MUC3A: variants seen among roughly 807,000 people sequenced by gnomAD.
MUC3A encodes the protein mucin-3A.
MUC3A carries 109 observed loss-of-function variants against 109.0 expected under a neutral mutation model. That is an observed-to-expected ratio of 1.00 (90% CI 0.86 to 1.17). The LOEUF (loss-of-function observed/expected upper bound fraction) is 1.17. Among genes scored for constraint, MUC3A ranks in the 50% most tolerant of loss-of-function variants. The pLI is 0.00. For synonymous variants in MUC3A, 1,398 were observed against 981.4 expected, an observed-to-expected ratio of 1.42 and a Z score of -7.93; for missense variants, 3,537 against 2,469.4, an observed-to-expected ratio of 1.43 and a Z score of -9.16.
Position 100,958,032 on chromosome 7 carries a change from A to ACC in MUC3A, c.6257_6258dup (p.Ser2087ProfsTer79), listed in dbSNP as rs1792147742. On this transcript the variant is annotated frameshift_variant, in exon 2 of 12. Coordinates refer to ENST00000379458, the MANE Select transcript of MUC3A (RefSeq NM_005960.2). LOFTEE classifies it high-confidence loss of function. Reference sequence around the variant, plus strand: ...CACTACCTCAATCACCACCACCGAGACCCCCTCACACAGTACTCTCAGCTT... The same window carrying ACC: ...CACTACCTCAATCACCACCACCGAGACCCCCCCTCACACAGTACTCTCAGCTT... 1 of 966,974 alleles carries ACC rather than the reference A, an allele frequency of 1.0e-6. No homozygotes were observed. Among genetic ancestry groups the ACC allele is most frequent in the Non-Finnish European group, 1.4e-6 (1 of 697,696 alleles). 59.9% of individuals were successfully genotyped at this position (966,974 alleles called of 1,614,324 possible). A position where few individuals can be genotyped will look rare whatever the true frequency, so the allele number is the denominator to read the frequency against.
Position 100,959,896 on chromosome 7 carries a change from C to T in MUC3A, c.8117C>T (p.Thr2706Ile), listed in dbSNP as rs765613676. The change falls in exon 2 of 12, where the codon ACC becomes ATC. Residue 2706 changes from threonine to isoleucine, a missense_variant. Thr to Ile is a moderately conservative substitution (Grantham distance 89, BLOSUM62 -1). Transcript: ENST00000379458. Reference sequence around the variant, plus strand: ...AGCATAACTCCAGTGTTTTCCACTACCATTCATTCTGTTCCTTCTTCACCA... The same window carrying T: ...AGCATAACTCCAGTGTTTTCCACTATCATTCATTCTGTTCCTTCTTCACCA... ...SASITPVFST[T>I]IHSVPSSPYI... 31 of 1,534,898 alleles carry T rather than the reference C, an allele frequency of 2.0e-5. No homozygotes were observed. The highest frequency in any genetic ancestry group is 2.6e-5 in the Non-Finnish European group (30 of 1,150,634).
chr7:100,958,671 A>ACTCGATCGTCACCACCG lies in MUC3A; in HGVS notation c.6892_6893insCTCGATCGTCACCACCG (p.Lys2298ThrfsTer179). The ACTCGATCGTCACCACCG allele has an allele frequency of 4.2e-6, 2 of 472,462 alleles. No individual in the cohort carries two copies. The highest frequency in any genetic ancestry group is 2.9e-5 in the South Asian group (1 of 34,792). The allele number at this position is 472,462 out of a possible 1,614,324, so 29.3% of individuals were successfully genotyped here. ...CTCCACTTCTTTAATCACCACCACC[A>ACTCGATCGTCACCACCG]AGACCACCTCACACAGTACTCCCAG... On this transcript the variant is annotated frameshift_variant, in exon 2 of 12. Coordinates refer to ENST00000379458, the MANE Select transcript of MUC3A (RefSeq NM_005960.2). LOFTEE classifies it high-confidence loss of function.
In MUC3A at chr7:100,949,771, T is replaced by C. The variant is rs192147253; in HGVS notation, c.61+86T>C. On this transcript the variant is annotated intron_variant, in intron 1 of 11. Coordinates refer to ENST00000379458, the MANE Select transcript of MUC3A (RefSeq NM_005960.2). ...GGGAGGGAAAAGTGGCTGTAAGGCC[T>C]GGGGAGGGGGGATAAGAAGGCACCG... 1,238 of 1,309,278 alleles carry C rather than the reference T, an allele frequency of 9.5e-4. 12 individuals are homozygous for C. The African/African-American group carries it at 0.017, about 18-fold the overall frequency. The allele number at this position is 1,309,278 out of a possible 1,614,324, so 81.1% of individuals were successfully genotyped here.
At position 100,954,657 on chromosome 7, in the gene MUC3A, G is replaced by T; in HGVS notation, c.2878G>T (p.Glu960Ter). 2.5e-6 allele frequency: 1 copy of T among 399,746 alleles called. No homozygotes were observed. The allele number at this position is 399,746 out of a possible 1,614,324, so 24.8% of individuals were successfully genotyped here. A position where few individuals can be genotyped will look rare whatever the true frequency, so the allele number is the denominator to read the frequency against. The change falls in exon 2 of 12, where the codon GAA (glutamate) becomes TAA (stop). Residue 960 changes from glutamate (E) to a stop codon, truncating the protein, a stop_gained. Transcript: ENST00000379458. LOFTEE classifies it high-confidence loss of function. ...TTSFTTSTMM[E>*]PPSSTVSTTG... ...CTCATTTACCACATCCACAATGATG[G>T]AACCACCTTCATCCACTGTATCAAC...
intron 1 of MUC3A, 100 bp downstream of exon 1, chr7:100,949,785 A>T: frequency 1.1e-6 from 1 of 912,828 alleles, no homozygotes. Context: ...GAGGGGGGAT[A>T]AGAAGGCACC....
At position 100,963,749 on chromosome 7, in the gene MUC3A, T is replaced by C; in HGVS notation, c.9230T>C (p.Leu3077Pro). ...FTFKGVEILS[L>P]RNGSIVVDYL... ...TTCAAGGGTGTGGAGATCCTGTCCCTGAGGTAGGAGACCCATCTGGGGATG... is the reference window on the plus strand; with the variant it reads ...TTCAAGGGTGTGGAGATCCTGTCCCCGAGGTAGGAGACCCATCTGGGGATG... The change falls in exon 5 of 12, where the codon CTG (leucine) becomes CCG (proline). Residue 3077 changes from leucine to proline, a missense_variant. Coordinates refer to ENST00000379458, the MANE Select transcript of MUC3A (RefSeq NM_005960.2). The C allele has an allele frequency of 1.9e-6, 3 of 1,598,572 alleles. No homozygotes were observed. In the South Asian group the frequency reaches 3.3e-5, roughly 18 times the overall value.
At chr7:100,951,661 C>T (rs78365737) in intron 1 of MUC3A, among the ~76,000 whole-genome samples, 180 bp from the exon 2 acceptor site, 1 of 149,432 alleles carries the variant, frequency 6.7e-6, no homozygotes, top group Non-Finnish European at 1.5e-5. Flanking sequence ...GACAGGCAGT[C>T]GTCTCCAGCA....
In MUC3A at chr7:100,963,134, A is replaced by C; in HGVS notation, c.9053-17A>C. On this transcript the variant is annotated splice_polypyrimidine_tract_variant and intron_variant, in intron 3 of 11. Transcript: ENST00000379458. Reference sequence around the variant, plus strand: ...AGCAGACAGAGAAGTGACTGGGGACATGCATGCTCTGTGTAGATGTAGTGG... The same window carrying C: ...AGCAGACAGAGAAGTGACTGGGGACCTGCATGCTCTGTGTAGATGTAGTGG... 1 of 1,596,774 alleles carries C rather than the reference A, an allele frequency of 6.3e-7. No homozygotes were observed. Among genetic ancestry groups the C allele is most frequent in the Non-Finnish European group, 8.5e-7 (1 of 1,179,086 alleles).
At position 100,963,270 on chromosome 7, in the gene MUC3A, A is replaced by G; in HGVS notation, c.9168+4A>G. 6.3e-7 allele frequency: 1 copy of G among 1,594,530 alleles called. No homozygotes were observed. Among genetic ancestry groups the G allele is most frequent in the Non-Finnish European group, 8.5e-7 (1 of 1,178,006 alleles). ...CAACAAGACCTTCTGGAATCAGGTA[A>G]AGGGCAAAGAGAGGGGATTTTTTTT... On this transcript the variant is annotated splice_donor_region_variant and intron_variant, in intron 4 of 11. Coordinates refer to ENST00000379458, the MANE Select transcript of MUC3A (RefSeq NM_005960.2).
intron 3 of MUC3A, among the ~76,000 whole-genome samples, chr7:100,962,116 C>T (rs1366954785): frequency 9.9e-6 from 1 of 100,718 alleles, no homozygotes; most frequent in African/African-American, 3.1e-5. Context: ...CCTGTAGTCC[C>T]AGCTACTTGG....
chr7:100,966,049 T>TCGCCCTAATGTGTAGCCCCGCCTCC, intron 8 of MUC3A, 183 bp downstream of exon 8: 1 of 855,048 alleles, frequency 1.2e-6, no homozygotes, highest in Non-Finnish European at 1.7e-6. Flanking sequence ...GCTCTGCTCC[T>TCGCCCTAATGTGTAGCCCCGCCTCC]TTGATGGGGT....
Position 100,953,984 on chromosome 7 carries a change from A to T in MUC3A, c.2205A>T (p.Thr735=). The T allele has an allele frequency of 2.2e-6, 1 of 461,716 alleles. No homozygotes were observed. The allele number at this position is 461,716 out of a possible 1,614,324, so 28.6% of individuals were successfully genotyped here. A position where few individuals can be genotyped will look rare whatever the true frequency, so the allele number is the denominator to read the frequency against. ...EITYPTTMTE[T]SSTATSLPPT... The stretch of plus-strand genomic sequence containing the variant: ...CCTATCCCACCACTATGACAGAGAC[A>T]TCATCCACTGCCACCTCTCTTCCAC... Residue 735 remains threonine, a synonymous_variant, in exon 2 of 12, where the codon ACA becomes ACT. Transcript: ENST00000379458.
chr7:100,965,129 C>T, intron 6 of MUC3A, 153 bp from the exon 7 acceptor site: 5 of 1,111,792 alleles, frequency 4.5e-6, no homozygotes, highest in Non-Finnish European at 4.8e-6. Flanking sequence ...CAGGAGTCTT[C>T]GCCTGTGGCT....
In MUC3A at chr7:100,963,770, G is replaced by A; in HGVS notation, c.9233+18G>A. On this transcript the variant is annotated intron_variant, in intron 5 of 11. Transcript: ENST00000379458. The stretch of plus-strand genomic sequence containing the variant: ...TCCCTGAGGTAGGAGACCCATCTGG[G>A]GATGCGGAGGCGGTGTTGGGTGGGG... 2 of 1,598,558 alleles carry A rather than the reference G, an allele frequency of 1.3e-6. No homozygotes were observed. Among genetic ancestry groups the A allele is most frequent in the South Asian group, 2.2e-5 (2 of 91,090 alleles).
intron 3 of MUC3A, among the ~76,000 whole-genome samples, chr7:100,961,971 G>A (rs1442762584): frequency 2.4e-3 from 2 of 842 alleles, no homozygotes; most frequent in Non-Finnish European, 6.5e-3. Context: ...CTTACCTCAC[G>A]CCTGTAATCC....
chr7:100,959,411 C>G lies in MUC3A; in HGVS notation c.7632C>G (p.Thr2544=), dbSNP rs376985809. The G allele has an allele frequency of 1.9e-5, 29 of 1,536,206 alleles. No individual in the cohort carries two copies. Among genetic ancestry groups the G allele is most frequent in the Non-Finnish European group, 2.4e-5 (28 of 1,152,802 alleles). The stretch of plus-strand genomic sequence containing the variant: ...AAACCTCATCCCTTGTGGGCACCAC[C>G]TCTCCCACCATGTCCACTGTGAGAA... ...STETSSLVGT[T]SPTMSTVRMT... The change falls in exon 2 of 12, where the codon ACC becomes ACG. Residue 2544 remains threonine, a synonymous_variant. Coordinates refer to ENST00000379458, the MANE Select transcript of MUC3A (RefSeq NM_005960.2).
chr7:100,966,049 T>TCAACCCTAAAGTGTAGCCCCGCCTCC, intron 8 of MUC3A, 183 bp downstream of exon 8: 3 of 855,048 alleles, frequency 3.5e-6, no homozygotes, highest in Non-Finnish European at 5.1e-6. Flanking sequence ...GCTCTGCTCC[T>TCAACCCTAAAGTGTAGCCCCGCCTCC]TTGATGGGGT....
In MUC3A at chr7:100,960,414, A is replaced by AT. The variant is rs1404136642; in HGVS notation, c.8636dup (p.Leu2881ProfsTer18). On this transcript the variant is annotated frameshift_variant, in exon 2 of 12. Transcript: ENST00000379458. LOFTEE classifies it high-confidence loss of function. ...GACCTGGCTGAGCAACAGTTCTGTG[A>AT]TCCCCCTACCTCTTCCTGGCGTCTC... 1 of 1,598,554 alleles carries AT rather than the reference A, an allele frequency of 6.3e-7. No individual in the cohort carries two copies. The highest frequency in any genetic ancestry group is 1.1e-5 in the South Asian group (1 of 91,092).
intron 11 of MUC3A, 30 bp from the exon 12 acceptor site, chr7:100,967,091 C>T (rs868820641): frequency 1.6e-5 from 25 of 1,598,494 alleles, no homozygotes; most frequent in Middle Eastern, 1.7e-4. Flanking sequence ...AGTGGCTCCG[C>T]GTTCCCGTCC....
Sources: allele counts gnomAD v4.1 joint callset (sites outside exome capture counted in the v4.1 genomes callset), GRCh38; gene constraint gnomAD v4.1.1; transcripts MANE v1.5; gene names NCBI Gene and HGNC (gene_info 2026-07-23, HGNC 2026-07-21).